The following LRGUK variants were observed in gnomAD, a reference collection of about 807,000 sequenced individuals.
LRGUK encodes the protein leucine-rich repeat and guanylate kinase domain-containing protein.
In LRGUK, 65 loss-of-function variants were observed where a neutral mutation model predicts 76.0. The observed-to-expected ratio is 0.85, with a 90% CI of 0.70 to 1.05. LRGUK has a LOEUF of 1.05. Ranked by LOEUF, LRGUK falls within the 50% of genes least tolerant of loss-of-function variation. The pLI is 0.00. For synonymous variants in LRGUK, 268 were observed against 265.6 expected, an observed-to-expected ratio of 1.01 and a Z score of -0.09; for missense variants, 758 against 732.8, an observed-to-expected ratio of 1.03 and a Z score of -0.40.
chr7:134,196,244 T>G (rs1261259122), intron 12 of LRGUK, among the ~76,000 whole-genome samples: 1 of 152,200 alleles, frequency 6.6e-6, no homozygotes, highest in Admixed American at 6.5e-5. Context: ...ATGAATATAG[T>G]ATTGCCAAAG....
intron 4 of LRGUK, among the ~76,000 whole-genome samples, chr7:134,145,636 G>T (rs1202332440): frequency 6.6e-6 from 1 of 152,200 alleles, no homozygotes; most frequent in African/African-American, 2.4e-5. Flanking sequence ...GAAAGGTTAG[G>T]TAACTAACTT....
chr7:134,190,981 G>A (rs1034042864), intron 11 of LRGUK, among the ~76,000 whole-genome samples: 1 of 67,314 alleles, frequency 1.5e-5, no homozygotes, highest in Admixed American at 1.2e-4. Context: ...AGACAGTGGA[G>A]AGAAAAGGCC....
At chr7:134,268,158 T>G (rs1057341882), downstream of LRGUK, among the ~76,000 whole-genome samples, 25 of 151,974 alleles carry the variant, frequency 1.6e-4, no homozygotes, top group Non-Finnish European at 4.4e-5. Flanking sequence ...GGAAAAACAG[T>G]AGAGGAAAAT....
chr7:134,133,572 C>T (rs1244242058), intron 1 of LRGUK, among the ~76,000 whole-genome samples: 1 of 152,182 alleles, frequency 6.6e-6, no homozygotes, highest in Non-Finnish European at 1.5e-5. Flanking sequence ...ATGTCTTATC[C>T]ATTGAGCCAA....
At chr7:134,206,107 A>G (rs991893650) in intron 15 of LRGUK, among the ~76,000 whole-genome samples, 10 of 152,270 alleles carry the variant, frequency 6.6e-5, no homozygotes, top group African/African-American at 1.9e-4. Flanking sequence ...ACCCAGAAAT[A>G]TAAACTTTCA....
At chr7:134,134,295 A>G (rs771702546) in intron 1 of LRGUK, among the ~76,000 whole-genome samples, 6 of 152,166 alleles carry the variant, frequency 3.9e-5, no homozygotes, top group Non-Finnish European at 7.4e-5. Context: ...GCAGTTTAGC[A>G]TGATGACTAG....
chr7:134,271,551 C>G, the LRGUK span, among the ~76,000 whole-genome samples: 1 of 151,904 alleles, frequency 6.6e-6, no homozygotes, highest in Non-Finnish European at 1.5e-5. Flanking sequence ...GTAATACCCT[C>G]TCTCTCATAG....
intron 10 of LRGUK, among the ~76,000 whole-genome samples, chr7:134,182,744 A>AT (rs34837963): frequency 0.1 from 15,684 of 151,796 alleles, 1,034 homozygotes; most frequent in Non-Finnish European, 0.15. Context: ...GTTGCAGGAG[A>AT]TTTTATTATT....
At chr7:134,240,617 G>A (rs1802125752) in intron 16 of LRGUK, among the ~76,000 whole-genome samples, 1 of 152,174 alleles carries the variant, frequency 6.6e-6, no homozygotes. Flanking sequence ...GAACCAAGTT[G>A]GAAAACAGTC....
chr7:134,141,530 A>G (rs1797764856), intron 3 of LRGUK: 1 of 152,328 alleles, frequency 6.6e-6, no homozygotes, highest in African/African-American at 2.4e-5. Flanking sequence ...AGCAACCCAG[A>G]CCAAGGACTT....
chr7:134,230,217 A>C (rs950872015), intron 16 of LRGUK, among the ~76,000 whole-genome samples: 1 of 152,198 alleles, frequency 6.6e-6, no homozygotes, highest in Admixed American at 6.5e-5. Context: ...AAATCCCTTC[A>C]CAAAATAATA....
chr7:134,152,766 C>A (rs1798276914), intron 5 of LRGUK, among the ~76,000 whole-genome samples: 1 of 151,966 alleles, frequency 6.6e-6, no homozygotes, highest in Non-Finnish European at 1.5e-5. Context: ...GTACCTGGAG[C>A]CTTGTATAAG....
At chr7:134,210,106 A>G in exon 16 of LRGUK, 2 of 399,344 alleles carry the variant, frequency 5.0e-6, no homozygotes, top group Non-Finnish European at 8.8e-6. Context: ...CCAACCAGAA[A>G]GGGACGGCTA....
intron 15 of LRGUK, among the ~76,000 whole-genome samples, chr7:134,206,386 G>A (rs1236327774): frequency 2.0e-5 from 3 of 152,050 alleles, no homozygotes; most frequent in Non-Finnish European, 2.9e-5. Context: ...GTGGTGGTGC[G>A]TGCCTGTAAT....
chr7:134,201,996 G>A (rs560755808), intron 15 of LRGUK, among the ~76,000 whole-genome samples: 7 of 152,218 alleles, frequency 4.6e-5, no homozygotes, highest in Admixed American at 6.5e-5. Context: ...ACTGTGCTGC[G>A]GAATACAGTG....
chr7:134,132,301 G>A (rs1194205108), intron 1 of LRGUK, among the ~76,000 whole-genome samples: 1 of 152,150 alleles, frequency 6.6e-6, no homozygotes, highest in African/African-American at 2.4e-5. Context: ...GCTGCAGTGA[G>A]CTATGATCAT....
At chr7:134,188,563 A>C (rs1393522910) in intron 11 of LRGUK, among the ~76,000 whole-genome samples, 2 of 152,170 alleles carry the variant, frequency 1.3e-5, no homozygotes, top group East Asian at 3.9e-4. Flanking sequence ...AAAAGTGGGC[A>C]GAGTAGTGGC....
chr7:134,226,158 T>C (rs1801736438), intron 16 of LRGUK, among the ~76,000 whole-genome samples: 1 of 152,060 alleles, frequency 6.6e-6, no homozygotes, highest in South Asian at 2.1e-4. Context: ...TTATATTTTC[T>C]TTTGCAAACT....
intron 1 of LRGUK, among the ~76,000 whole-genome samples, chr7:134,133,867 C>T (rs1797414021): frequency 6.6e-6 from 1 of 151,978 alleles, no homozygotes; most frequent in South Asian, 2.1e-4. Context: ...TGAGATCAGC[C>T]TGGGCAACAT....
Sources: allele counts gnomAD v4.1 joint callset (sites outside exome capture counted in the v4.1 genomes callset), GRCh38; gene constraint gnomAD v4.1.1; transcripts MANE v1.5; gene names NCBI Gene and HGNC (gene_info 2026-07-23, HGNC 2026-07-21).